The following IQCM variants were observed in gnomAD, a reference collection of about 807,000 sequenced individuals.
IQCM encodes the protein IQ motif containing M, also known as IQ domain-containing protein M.
In IQCM, 45 loss-of-function variants were observed where a neutral mutation model predicts 57.6. The ratio of observed to expected loss-of-function variants is 0.78; its 90% confidence interval spans 0.62 to 1.00. The LOEUF (loss-of-function observed/expected upper bound fraction) is 1.00. Among genes scored for constraint, IQCM ranks in the 50% least tolerant of loss-of-function variants. The pLI is 0.00. For synonymous variants in IQCM, 148 were observed against 158.9 expected (o/e 0.93, Z 0.51); for missense variants, 468 against 511.6 (o/e 0.91, Z 0.82).
In IQCM at chr4:149,368,992, G is replaced by GTATATATA. The variant is rs201946807; in HGVS notation, c.1391-16934_1391-16927dup. 5.0e-4 allele frequency among the ~76,000 whole-genome samples: 16 copies of GTATATATA among 32,210 alleles called. 4 individuals carry two copies. The highest frequency in any genetic ancestry group is 2.0e-3 in the African/African-American group (16 of 7,822). The allele number at this position is 32,210 out of a possible 152,430, so 21.1% of individuals were successfully genotyped here. A position where few individuals can be genotyped will look rare whatever the true frequency, so the allele number is the denominator to read the frequency against. On this transcript the variant is annotated intron_variant, in intron 13 of 13. Transcript: ENST00000636793. Reference sequence around the variant, plus strand: ...TATATATGTGTATATATATACACGTGTATATATATATATATACACGTGTAT... The same window carrying GTATATATA: ...TATATATGTGTATATATATACACGTGTATATATATATATATATATATATACACGTGTAT...
At position 149,587,954 on chromosome 4, in the gene IQCM, T is replaced by A; in HGVS notation, c.725A>T (p.Lys242Met). Residue 242 changes from lysine to methionine, a missense_variant, in exon 9 of 14, where the codon AAG becomes ATG. Transcript: ENST00000636793. Reference sequence around the variant, plus strand: ...CCTGGGTTGTGATTTTGGTTCTGGCTTGATAGGTTGTCGCTCCTTTTTAAT... The same window carrying A: ...CCTGGGTTGTGATTTTGGTTCTGGCATGATAGGTTGTCGCTCCTTTTTAAT... Reference protein sequence around the residue: ...TLIKKERQPIKPEPKSQPRIK... With the variant: ...TLIKKERQPIMPEPKSQPRIK... 2 of 1,225,890 alleles carry A rather than the reference T, an allele frequency of 1.6e-6. No individual in the cohort carries two copies. The highest frequency in any genetic ancestry group is 2.0e-6 in the Non-Finnish European group (2 of 982,858). 75.9% of individuals were successfully genotyped at this position (1,225,890 alleles called of 1,614,324 possible).
intron 13 of IQCM, among the ~76,000 whole-genome samples, chr4:149,376,542 T>C (rs1730711367): frequency 6.6e-6 from 1 of 152,114 alleles, no homozygotes; most frequent in South Asian, 2.1e-4. Flanking sequence ...CCTGCTGCAA[T>C]ATTGCCAGGG....
rs1198989786 is a variant in IQCM at position 149,621,203 on chromosome 4, A to G, written c.607T>C (p.Ser203Pro). The G allele has an allele frequency of 8.1e-7, 1 of 1,232,000 alleles. No homozygotes were observed. Among genetic ancestry groups the G allele is most frequent in the South Asian group, 4.1e-5 (1 of 24,320 alleles). 76.3% of individuals were successfully genotyped at this position (1,232,000 alleles called of 1,614,324 possible). The change falls in exon 8 of 14, where the codon TCT becomes CCT. Residue 203 changes from serine (S) to proline (P), a missense_variant. Ser to Pro is a moderately conservative substitution (Grantham distance 74). Transcript: ENST00000636793. ...CGGGAGTCACAAGCCAAACGGAAAG[A>G]CCTTGTCAGCACAAATCCTCTCCAG... ...YDWRGFVLTR[S>P]FRLACDSRRV...
intron 9 of IQCM, among the ~76,000 whole-genome samples, chr4:149,568,819 A>T (rs146113074): frequency 6.6e-6 from 1 of 152,252 alleles, no homozygotes; most frequent in East Asian, 1.9e-4. Context: ...TAACATAAAC[A>T]TATTAGAAGC....
chr4:149,508,124 GC>G (rs1157230588), intron 12 of IQCM, among the ~76,000 whole-genome samples: 1 of 152,034 alleles, frequency 6.6e-6, no homozygotes, highest in Non-Finnish European at 1.5e-5. Context: ...ATATGGAAAT[GC>G]CTGGATGCCC....
chr4:149,613,658 T>C (rs1755512710), intron 8 of IQCM, among the ~76,000 whole-genome samples: 1 of 152,044 alleles, frequency 6.6e-6, no homozygotes, highest in Non-Finnish European at 1.5e-5. Context: ...CATGTTGGTG[T>C]GCTGCACCCA....
intron 9 of IQCM, among the ~76,000 whole-genome samples, chr4:149,573,914 A>G (rs1363230502): frequency 6.6e-6 from 1 of 152,066 alleles, no homozygotes; most frequent in Non-Finnish European, 1.5e-5. Context: ...GGAGGACGAA[A>G]TTATGTCATG....
intron 10 of IQCM, among the ~76,000 whole-genome samples, chr4:149,561,551 C>T (rs1466978855): frequency 2.6e-5 from 4 of 152,072 alleles, no homozygotes; most frequent in Non-Finnish European, 1.5e-5. Flanking sequence ...GTGCCTACTA[C>T]ATACTAAACA....
chr4:149,462,238 C>A (rs1251752955), intron 12 of IQCM, among the ~76,000 whole-genome samples: 1 of 152,132 alleles, frequency 6.6e-6, no homozygotes, highest in Non-Finnish European at 1.5e-5. Flanking sequence ...GTAGCGGATA[C>A]CACCGCACAC....
intron 7 of IQCM, among the ~76,000 whole-genome samples, chr4:149,624,283 T>C (rs1189452809): frequency 6.6e-6 from 1 of 152,066 alleles, no homozygotes; most frequent in Non-Finnish European, 1.5e-5. Flanking sequence ...AATAAATACA[T>C]AAAGAAACAG....
chr4:149,742,924 C>T (rs1767591866), intron 2 of IQCM, among the ~76,000 whole-genome samples, 185 bp from the exon 3 acceptor site: 1 of 152,104 alleles, frequency 6.6e-6, no homozygotes, highest in Admixed American at 6.6e-5. Context: ...GGGTAGGGCT[C>T]TGCAGTTTAT....
At chr4:149,394,610 G>T (rs942551013) in intron 13 of IQCM, among the ~76,000 whole-genome samples, 3 of 151,762 alleles carry the variant, frequency 2.0e-5, no homozygotes, top group African/African-American at 7.3e-5. Context: ...TTTCCCTGGG[G>T]GTGAGGATCA....
intron 12 of IQCM, among the ~76,000 whole-genome samples, chr4:149,490,877 TG>T (rs1167076067): frequency 9.2e-5 from 14 of 152,112 alleles, no homozygotes; most frequent in African/African-American, 3.4e-4. Flanking sequence ...TCCACACAAG[TG>T]GACTGCTAAC....
intron 13 of IQCM, among the ~76,000 whole-genome samples, chr4:149,419,063 G>T (rs945126956): frequency 2.0e-5 from 3 of 152,060 alleles, no homozygotes; most frequent in African/African-American, 4.8e-5. Context: ...TGGCCATACT[G>T]CCCAAAGTAA....
chr4:149,530,433 G>A (rs1183463241), intron 12 of IQCM, among the ~76,000 whole-genome samples: 1 of 152,174 alleles, frequency 6.6e-6, no homozygotes, highest in South Asian at 2.1e-4. Flanking sequence ...AAAACTCTAT[G>A]TATCTATGGG....
intron 9 of IQCM, among the ~76,000 whole-genome samples, chr4:149,569,592 A>G (rs1182365403): frequency 6.6e-6 from 1 of 152,200 alleles, no homozygotes; most frequent in Non-Finnish European, 1.5e-5. Context: ...TACAAGTTAC[A>G]GGTTATAAAT....
intron 10 of IQCM, among the ~76,000 whole-genome samples, chr4:149,553,987 A>G (rs1033551684): frequency 6.6e-6 from 1 of 152,002 alleles, no homozygotes; most frequent in African/African-American, 2.4e-5. Flanking sequence ...TTATTTTTAC[A>G]TTTTACATTT....
chr4:149,416,334 T>C (rs1733747258), intron 13 of IQCM, among the ~76,000 whole-genome samples: 1 of 152,148 alleles, frequency 6.6e-6, no homozygotes, highest in South Asian at 2.1e-4. Context: ...GTATTCAATA[T>C]AATTTTTTTT....
intron 8 of IQCM, among the ~76,000 whole-genome samples, chr4:149,603,940 C>T (rs1754548592): frequency 6.6e-6 from 1 of 152,024 alleles, no homozygotes; most frequent in Non-Finnish European, 1.5e-5. Flanking sequence ...CTTATCTTTC[C>T]TAGTCTCCTT....
Sources: allele counts gnomAD v4.1 joint callset (sites outside exome capture counted in the v4.1 genomes callset), GRCh38; gene constraint gnomAD v4.1.1; transcripts MANE v1.5; gene names NCBI Gene and HGNC (gene_info 2026-07-23, HGNC 2026-07-21).